Variants in TMTC2 observed in about 807,000 individuals in gnomAD.
TMTC2 encodes the protein protein O-mannosyl-transferase TMTC2.
TMTC2 carries 43 observed loss-of-function variants against 82.4 expected under a neutral mutation model. The observed-to-expected ratio is 0.52, with a 90% CI of 0.41 to 0.67. The LOEUF is 0.67. Ranked by LOEUF, TMTC2 falls within the 30% of genes least tolerant of loss-of-function variation. TMTC2 has a pLI of 0.00. For missense variants in TMTC2, 919 were observed against 1,012.4 expected (o/e 0.91, Z 1.25); for synonymous variants, 408 against 381.9 (o/e 1.07, Z -0.80).
intron 2 of TMTC2, among the ~76,000 whole-genome samples, chr12:82,885,490 C>T (rs1260974261): frequency 5.3e-5 from 8 of 152,004 alleles, no homozygotes; most frequent in Non-Finnish European, 4.4e-5. Flanking sequence ...CTACCTCAGC[C>T]TCCTGAGTAG....
chr12:82,978,346 C>G (rs1878770273), intron 7 of TMTC2, among the ~76,000 whole-genome samples: 1 of 151,670 alleles, frequency 6.6e-6, no homozygotes, highest in African/African-American at 2.4e-5. Context: ...CTTAGCCCTT[C>G]ATGTTGTAAA....
intron 4 of TMTC2, among the ~76,000 whole-genome samples, chr12:82,932,059 A>T (rs1876065015): frequency 6.6e-6 from 1 of 152,172 alleles, no homozygotes; most frequent in Non-Finnish European, 1.5e-5. Context: ...GACAGTATTA[A>T]ACTAATCTGT....
chr12:82,709,064 A>G (rs1873504439), intron 1 of TMTC2, among the ~76,000 whole-genome samples: 1 of 150,892 alleles, frequency 6.6e-6, no homozygotes, highest in Non-Finnish European at 1.5e-5. Flanking sequence ...AATGTCAGTA[A>G]CATACTGCTG....
chr12:82,774,881 A>G (rs373895109), intron 1 of TMTC2, among the ~76,000 whole-genome samples: 1 of 151,980 alleles, frequency 6.6e-6, no homozygotes, highest in South Asian at 2.1e-4. Context: ...CACGGCCACA[A>G]CCAGCTGACA....
intron 1 of TMTC2, among the ~76,000 whole-genome samples, chr12:82,827,888 GTTTTCTTTTTTTT>G (rs996604845): frequency 6.7e-6 from 1 of 148,838 alleles, no homozygotes. Flanking sequence ...TTCTTTTTTC[GTTTTCTTTTTTTT>G]TTTTCTTTTG....
intron 11 of TMTC2, among the ~76,000 whole-genome samples, chr12:83,118,411 G>A (rs1210760988): frequency 6.6e-6 from 1 of 151,934 alleles, no homozygotes; most frequent in African/African-American, 2.4e-5. Flanking sequence ...ATGCTTTTTC[G>A]GCATCTATTA....
intron 1 of TMTC2, among the ~76,000 whole-genome samples, chr12:82,757,146 G>C (rs1398149586): frequency 6.6e-6 from 1 of 152,158 alleles, no homozygotes; most frequent in Non-Finnish European, 1.5e-5. Context: ...TCCTGTTTTT[G>C]ACTTAGTGGT....
intron 1 of TMTC2, among the ~76,000 whole-genome samples, chr12:82,773,340 G>A (rs962480840): frequency 6.6e-6 from 1 of 152,106 alleles, no homozygotes. Context: ...AAATGTGTTT[G>A]TGATAAATAA....
chr12:83,094,758 G>A (rs1320197067), intron 11 of TMTC2, among the ~76,000 whole-genome samples: 3 of 152,218 alleles, frequency 2.0e-5, no homozygotes, highest in Non-Finnish European at 4.4e-5. Context: ...GTGAGGAAGA[G>A]AGAGAAGTTT....
chr12:82,722,739 C>T (rs1469462071), intron 1 of TMTC2, among the ~76,000 whole-genome samples: 1 of 152,064 alleles, frequency 6.6e-6, no homozygotes, highest in Non-Finnish European at 1.5e-5. Context: ...AAGACTCCCT[C>T]TCAACAACAA....
chr12:83,085,826 C>T (rs988099768), intron 11 of TMTC2, among the ~76,000 whole-genome samples: 6 of 152,158 alleles, frequency 3.9e-5, no homozygotes, highest in African/African-American at 1.4e-4. Context: ...ACAATAAATG[C>T]TAATAAATTT....
chr12:82,951,969 C>T (rs540861308), intron 4 of TMTC2, among the ~76,000 whole-genome samples: 32 of 152,168 alleles, frequency 2.1e-4, no homozygotes, highest in African/African-American at 7.5e-4. Flanking sequence ...AATTCTTTTG[C>T]TTGGTCCTCG....
intron 1 of TMTC2, among the ~76,000 whole-genome samples, chr12:82,755,913 T>C (rs1454632616): frequency 6.6e-6 from 1 of 152,098 alleles, no homozygotes; most frequent in Non-Finnish European, 1.5e-5. Context: ...AATTACTAAA[T>C]ATAAAATGCT....
chr12:83,047,822 GATA>G (rs1449798094), intron 9 of TMTC2, among the ~76,000 whole-genome samples: 3 of 152,174 alleles, frequency 2.0e-5, no homozygotes, highest in African/African-American at 7.2e-5. Flanking sequence ...ACTAAATGAT[GATA>G]AAAATAGTTA....
intron 4 of TMTC2, among the ~76,000 whole-genome samples, chr12:82,957,733 A>G (rs994824664): frequency 6.6e-6 from 1 of 152,126 alleles, no homozygotes; most frequent in Non-Finnish European, 1.5e-5. Context: ...GAACACTTCT[A>G]TGCACGCAAA....
intron 1 of TMTC2, among the ~76,000 whole-genome samples, chr12:82,716,055 G>C (rs139519240): frequency 6.6e-6 from 1 of 152,096 alleles, no homozygotes; most frequent in African/African-American, 2.4e-5. Context: ...TGATTCTTTT[G>C]CTTGGTTTTG....
chr12:82,948,745 C>T (rs1366218930), intron 4 of TMTC2, among the ~76,000 whole-genome samples: 2 of 152,182 alleles, frequency 1.3e-5, no homozygotes, highest in Non-Finnish European at 2.9e-5. Context: ...ATGGGGTCAT[C>T]TCTAACCCAA....
At chr12:83,117,552 C>T (rs1251198325) in intron 11 of TMTC2, among the ~76,000 whole-genome samples, 11 of 152,138 alleles carry the variant, frequency 7.2e-5, no homozygotes, top group Admixed American at 7.2e-4. Context: ...ATTTTGGTGA[C>T]TATGGCCTTA....
At chr12:82,893,987 C>T (rs1039520684) in intron 2 of TMTC2, among the ~76,000 whole-genome samples, 15 of 152,104 alleles carry the variant, frequency 9.9e-5, no homozygotes, top group African/African-American at 2.7e-4. Flanking sequence ...TATATTTGGA[C>T]GTGAAAGTTG....
Sources: allele counts gnomAD v4.1 joint callset (sites outside exome capture counted in the v4.1 genomes callset), GRCh38; gene constraint gnomAD v4.1.1; transcripts MANE v1.5; gene names NCBI Gene and HGNC (gene_info 2026-07-23, HGNC 2026-07-21).